CFAP44: variants seen among roughly 807,000 people sequenced by gnomAD.
CFAP44 encodes cilia and flagella associated protein 44, also known as cilia- and flagella-associated protein 44.
Under a neutral mutation model 216.2 loss-of-function variants are expected in CFAP44, and 134 were observed. The observed-to-expected ratio is 0.62, with a 90% CI of 0.54 to 0.72. CFAP44 has a LOEUF of 0.72. Among genes scored for constraint, CFAP44 ranks in the 30% least tolerant of loss-of-function variants. The probability of loss-of-function intolerance (pLI) is 0.00; values close to 1 mark genes in which losing one functional copy is unlikely to be tolerated. For missense variants in CFAP44, 2,035 were observed against 2,182.1 expected (o/e 0.93, Z 1.34); for synonymous variants, 700 against 727.6 (o/e 0.96, Z 0.61).
intron 22 of CFAP44, among the ~76,000 whole-genome samples, chr3:113,351,712 C>A (rs542555741): frequency 1.3e-5 from 2 of 151,262 alleles, no homozygotes; most frequent in South Asian, 4.2e-4. Flanking sequence ...AACTCTCATA[C>A]CAACCTCTGG....
chr3:113,429,583 C>T (rs2107409047), intron 2 of CFAP44, among the ~76,000 whole-genome samples: 1 of 151,972 alleles, frequency 6.6e-6, no homozygotes, highest in African/African-American at 2.4e-5. Context: ...ATAATCTCTG[C>T]CTTTTTATAT....
intron 24 of CFAP44, among the ~76,000 whole-genome samples, chr3:113,338,226 C>T (rs921265496): frequency 1.6e-5 from 2 of 126,834 alleles, no homozygotes; most frequent in African/African-American, 6.2e-5. Flanking sequence ...CACTGCATGC[C>T]AGCCTGGACA....
chr3:113,395,965 G>A (rs1010724253), intron 14 of CFAP44, 105 bp from the exon 15 acceptor site: 5 of 715,228 alleles, frequency 7.0e-6, no homozygotes, highest in Non-Finnish European at 1.1e-5. Flanking sequence ...ATCTACAATG[G>A]TCATATATCC....
At chr3:113,433,429 C>CA (rs58221881) in intron 2 of CFAP44, 136 bp downstream of exon 2, 6,576 of 127,498 alleles carry the variant, frequency 0.052, 424 homozygotes, top group Admixed American at 0.1. Context: ...AACTCCATCT[C>CA]AAAAAAAAAA....
intron 24 of CFAP44, among the ~76,000 whole-genome samples, chr3:113,340,354 A>T (rs1950320495): frequency 6.6e-6 from 1 of 152,192 alleles, no homozygotes; most frequent in Non-Finnish European, 1.5e-5. Flanking sequence ...GACAGAAAAG[A>T]GACAAAGTCT....
chr3:113,355,635 C>T (rs1374332978), intron 22 of CFAP44, among the ~76,000 whole-genome samples: 1 of 152,116 alleles, frequency 6.6e-6, no homozygotes, highest in African/African-American at 2.4e-5. Flanking sequence ...CCAAACACCA[C>T]ATGTTCTCAC....
chr3:113,400,118 A>T, intron 12 of CFAP44, 118 bp from the exon 13 acceptor site: 1 of 621,500 alleles, frequency 1.6e-6, no homozygotes, highest in African/African-American at 1.9e-5. Context: ...TCAGTCAATA[A>T]CTTTCTTTTG....
rs1949790131 is a variant in CFAP44 at position 113,287,974 on chromosome 3, T to C, written c.*3583A>G. 3 of 152,228 alleles carry C rather than the reference T, an allele frequency of 2.0e-5. No individual in the cohort carries two copies. Among genetic ancestry groups the C allele is most frequent in the Admixed American group, 2.0e-4 (3 of 15,278 alleles). The allele number at this position is 152,228 out of a possible 1,614,324, so 9.4% of individuals were successfully genotyped here. On this transcript the variant is annotated 3_prime_UTR_variant, in exon 35 of 35. Coordinates refer to ENST00000393845, the MANE Select transcript of CFAP44 (RefSeq NM_001164496.2). ...CAACCAAAGGATCAACCATAGATTC[T>C]TTTTTAATTGAAATTTTAAAATCTT...
intron 33 of CFAP44, 94 bp downstream of exon 33, chr3:113,296,623 GCTCCAGCT>G (rs1268578608): frequency 8.8e-6 from 12 of 1,371,408 alleles, no homozygotes; most frequent in Non-Finnish European, 1.1e-5. Context: ...TCGCGGACCA[GCTCCAGCT>G]ACACAGATGC....
At chr3:113,352,815 C>A (rs1950457380) in intron 22 of CFAP44, among the ~76,000 whole-genome samples, 1 of 152,210 alleles carries the variant, frequency 6.6e-6, no homozygotes, top group East Asian at 1.9e-4. Flanking sequence ...ATTATTCAAC[C>A]AAGAGTTATT....
intron 19 of CFAP44, among the ~76,000 whole-genome samples, chr3:113,364,715 A>G (rs1053873729): frequency 6.6e-6 from 1 of 152,106 alleles, no homozygotes; most frequent in Non-Finnish European, 1.5e-5. Flanking sequence ...ATATATGCCA[A>G]TGGGTCTCAA....
intron 32 of CFAP44, among the ~76,000 whole-genome samples, chr3:113,298,649 T>G (rs1027119431): frequency 1.3e-5 from 2 of 152,224 alleles, no homozygotes; most frequent in Admixed American, 1.3e-4. Flanking sequence ...GGAATATTAT[T>G]TGCCTTAAAA....
At chr3:113,293,197 C>G (rs999457876) in intron 34 of CFAP44, among the ~76,000 whole-genome samples, 2 of 152,190 alleles carry the variant, frequency 1.3e-5, no homozygotes, top group African/African-American at 4.8e-5. Flanking sequence ...CTCACTTTCC[C>G]CTTCTCCTCA....
At chr3:113,425,301 G>T (rs992381036) in intron 4 of CFAP44, among the ~76,000 whole-genome samples, 3 of 152,148 alleles carry the variant, frequency 2.0e-5, no homozygotes, top group African/African-American at 4.8e-5. Flanking sequence ...GGTGGTTTAG[G>T]CCACGTGGTG....
At chr3:113,377,503 T>C (rs1933379785) in intron 17 of CFAP44, among the ~76,000 whole-genome samples, 1 of 152,100 alleles carries the variant, frequency 6.6e-6, no homozygotes, top group South Asian at 2.1e-4. Context: ...CTTGGTTTCT[T>C]CATATATAAA....
intron 17 of CFAP44, among the ~76,000 whole-genome samples, chr3:113,376,002 G>C (rs961299922): frequency 6.6e-6 from 1 of 151,922 alleles, no homozygotes; most frequent in Non-Finnish European, 1.5e-5. Flanking sequence ...GAAATAATTA[G>C]TAAGATAGTA....
At chr3:113,404,759 T>C (rs1934232723) in intron 8 of CFAP44, among the ~76,000 whole-genome samples, 1 of 152,148 alleles carries the variant, frequency 6.6e-6, no homozygotes, top group Admixed American at 6.5e-5. Context: ...GGGCCAATGA[T>C]AGCCCTGACT....
At chr3:113,329,902 T>C (rs1268140159) in intron 26 of CFAP44, among the ~76,000 whole-genome samples, 2 of 152,098 alleles carry the variant, frequency 1.3e-5, no homozygotes, top group African/African-American at 4.8e-5. Context: ...GCCAAGTAAC[T>C]GAAACATGGG....
intron 24 of CFAP44, among the ~76,000 whole-genome samples, chr3:113,337,263 C>A (rs1950289162): frequency 6.6e-6 from 1 of 151,740 alleles, no homozygotes; most frequent in Non-Finnish European, 1.5e-5. Context: ...ATGTATAGAA[C>A]TTTTTATGCT....
Sources: gnomAD v4.1 joint callset for allele counts (sites outside exome capture counted in the v4.1 genomes callset) on GRCh38, gnomAD v4.1.1 for gene constraint, MANE v1.5 for transcripts, NCBI Gene and HGNC (gene_info 2026-07-23, HGNC 2026-07-21) for gene names.